Variants in RTN1 observed in about 807,000 individuals in gnomAD.
The protein encoded by RTN1 is reticulon-1.
A neutral mutation model predicts 65.5 loss-of-function variants in RTN1; 25 were observed. The ratio of observed to expected loss-of-function variants is 0.38; its 90% CI spans 0.28 to 0.53. The LOEUF is 0.53. RTN1 is among the 20% of genes least tolerant of loss of function. RTN1 has a pLI of 0.79. For synonymous variants in RTN1, 471 were observed against 447.6 expected (o/e 1.05, Z -0.66); for missense variants, 983 against 1,025.4 (o/e 0.96, Z 0.57).
chr14:59,662,355 C>T (rs1420857639), intron 3 of RTN1, among the ~76,000 whole-genome samples: 1 of 147,516 alleles, frequency 6.8e-6, no homozygotes, highest in Admixed American at 6.9e-5. Flanking sequence ...GTCCCCCTTC[C>T]TGTGTCCAAG....
At chr14:59,753,166 T>A (rs1004635708) in intron 1 of RTN1, among the ~76,000 whole-genome samples, 2 of 152,178 alleles carry the variant, frequency 1.3e-5, no homozygotes, top group African/African-American at 4.8e-5. Flanking sequence ...TGTACAGTAA[T>A]AATTGAGGGA....
chr14:59,744,286 G>A (rs987930582), intron 2 of RTN1, among the ~76,000 whole-genome samples: 1 of 152,156 alleles, frequency 6.6e-6, no homozygotes, highest in Non-Finnish European at 1.5e-5. Flanking sequence ...ATGGTAGAAT[G>A]CCAGTCACCA....
intron 3 of RTN1, among the ~76,000 whole-genome samples, chr14:59,687,705 A>C (rs1883876606): frequency 1.3e-5 from 2 of 151,894 alleles, no homozygotes; most frequent in South Asian, 4.2e-4. Context: ...CATTCAGAGC[A>C]CTCACTTACC....
intron 3 of RTN1, among the ~76,000 whole-genome samples, chr14:59,682,385 C>T (rs1414879888): frequency 6.6e-6 from 1 of 152,140 alleles, no homozygotes; most frequent in Admixed American, 6.5e-5. Flanking sequence ...ATTGTGCTGG[C>T]TGCTGGGTAG....
intron 1 of RTN1, among the ~76,000 whole-genome samples, chr14:59,842,578 A>G (rs780017613): frequency 1.6e-4 from 25 of 152,162 alleles, no homozygotes; most frequent in Non-Finnish European, 3.5e-4. Flanking sequence ...CCAGTTGCAA[A>G]GGGTTGGTAG....
chr14:59,866,778 A>G (rs1007544430), intron 1 of RTN1, among the ~76,000 whole-genome samples: 1 of 152,198 alleles, frequency 6.6e-6, no homozygotes, highest in African/African-American at 2.4e-5. Context: ...ATGGAAATTT[A>G]TACCTTCTGA....
intron 1 of RTN1, among the ~76,000 whole-genome samples, chr14:59,818,191 G>C (rs548141844): frequency 6.6e-6 from 1 of 152,314 alleles, no homozygotes; most frequent in African/African-American, 2.4e-5. Flanking sequence ...TTGCTGCAAA[G>C]GACATGATTT....
At chr14:59,758,455 T>A (rs1215451191) in intron 1 of RTN1, among the ~76,000 whole-genome samples, 1 of 152,196 alleles carries the variant, frequency 6.6e-6, no homozygotes, top group Non-Finnish European at 1.5e-5. Flanking sequence ...ACACACCTGC[T>A]CAAGCCCACA....
intron 1 of RTN1, among the ~76,000 whole-genome samples, chr14:59,827,371 C>G (rs564414480): frequency 1.8e-4 from 28 of 152,294 alleles, no homozygotes; most frequent in African/African-American, 1.2e-4. Context: ...AGCCACCGCG[C>G]CCCGCTGTAT....
At chr14:59,748,053 C>CATTTT (rs2139512099) in intron 1 of RTN1, among the ~76,000 whole-genome samples, 1 of 152,160 alleles carries the variant, frequency 6.6e-6, no homozygotes, top group African/African-American at 2.4e-5. Context: ...TTGTTAGGCT[C>CATTTT]ATTTTACAGA....
In RTN1 at chr14:59,766,207, G is replaced by A. The variant is rs1240707884; in HGVS notation, c.242-19726C>T. 2.0e-5 allele frequency among the ~76,000 whole-genome samples: 3 copies of A among 149,122 alleles called. No homozygotes were observed. Among genetic ancestry groups the A allele is most frequent in the Non-Finnish European group, 4.4e-5 (3 of 67,618 alleles). ...ATCATGCCAATGCACTCCAGCCTGG[G>A]TGACAGAGTGAGACGCTGTCAAAAA... On this transcript the variant is annotated intron_variant, in intron 1 of 8. Transcript: ENST00000267484. The surrounding 1 kb of genome is among the most constrained non-coding windows in gnomAD (Gnocchi z 4.4).
intron 3 of RTN1, among the ~76,000 whole-genome samples, chr14:59,711,849 C>T (rs529856037): frequency 3.9e-5 from 6 of 152,280 alleles, no homozygotes; most frequent in South Asian, 2.1e-4. Context: ...ATTTCCAGTG[C>T]GCTCCATGCA....
At chr14:59,628,766 C>T (rs1055732948) in intron 3 of RTN1, among the ~76,000 whole-genome samples, 8 of 151,898 alleles carry the variant, frequency 5.3e-5, no homozygotes, top group Non-Finnish European at 1.2e-4. Flanking sequence ...TTTTTAAAAC[C>T]TCGGAGACAT....
intron 1 of RTN1, among the ~76,000 whole-genome samples, chr14:59,820,398 A>C (rs1238649922): frequency 4.8e-5 from 2 of 41,550 alleles, no homozygotes; most frequent in East Asian, 1.4e-3. Context: ...GAAGCTTTTT[A>C]CTTTAATTAG....
intron 3 of RTN1, among the ~76,000 whole-genome samples, chr14:59,672,800 C>A (rs1333401112): frequency 1.3e-5 from 2 of 150,050 alleles, no homozygotes; most frequent in Non-Finnish European, 3.0e-5. Flanking sequence ...GCCACCGCGC[C>A]TGGCTAATTT....
intron 3 of RTN1, among the ~76,000 whole-genome samples, chr14:59,671,450 A>AGT (rs1009942412): frequency 6.6e-6 from 1 of 152,218 alleles, no homozygotes; most frequent in Non-Finnish European, 1.5e-5. Context: ...AAAAAGAATG[A>AGT]GTGATACCAA....
At chr14:59,731,552 T>C (rs1224591258) in intron 2 of RTN1, among the ~76,000 whole-genome samples, 1 of 152,230 alleles carries the variant, frequency 6.6e-6, no homozygotes. Context: ...TAAACTTGGA[T>C]TGTACTACAA....
chr14:59,621,623 A>C (rs1882255688), intron 3 of RTN1, among the ~76,000 whole-genome samples: 1 of 152,352 alleles, frequency 6.6e-6, no homozygotes, highest in East Asian at 1.9e-4. Flanking sequence ...CCTTATTTCT[A>C]GAATCCAATC....
At chr14:59,683,666 T>C (rs1271264248) in intron 3 of RTN1, among the ~76,000 whole-genome samples, 1 of 152,118 alleles carries the variant, frequency 6.6e-6, no homozygotes, top group Non-Finnish European at 1.5e-5. Flanking sequence ...GATCATAGAG[T>C]ATTTAGTATT....
Sources: allele counts gnomAD v4.1 joint callset (sites outside exome capture counted in the v4.1 genomes callset), GRCh38; gene constraint gnomAD v4.1.1; non-coding constraint Gnocchi (gnomAD v3.1); transcripts MANE v1.5; gene names NCBI Gene and HGNC (gene_info 2026-07-23, HGNC 2026-07-21).